The following RBPJ variants were observed in gnomAD, a reference collection of about 807,000 sequenced individuals.
RBPJ encodes recombining binding protein suppressor of hairless.
RBPJ carries 9 observed loss-of-function variants against 67.8 expected under a neutral mutation model. The ratio of observed to expected loss-of-function variants is 0.13; its 90% confidence interval spans 0.08 to 0.23. The LOEUF is 0.23. Ranked by LOEUF, RBPJ falls within the 10% of genes least tolerant of loss-of-function variation. The pLI is 1.00. For missense variants in RBPJ, 305 were observed against 595.6 expected, an observed-to-expected ratio of 0.51 and a Z score of 5.08; for synonymous variants, 198 against 203.3, an observed-to-expected ratio of 0.97 and a Z score of 0.22.
the RBPJ span, among the ~76,000 whole-genome samples, chr4:26,130,018 C>T: frequency 2.6e-5 from 4 of 152,016 alleles, no homozygotes; most frequent in Non-Finnish European, 4.4e-5. Context: ...TGCACCACCA[C>T]GCCCAGCTAA....
the RBPJ span, among the ~76,000 whole-genome samples, chr4:26,125,974 G>A: frequency 6.6e-6 from 1 of 152,054 alleles, no homozygotes; most frequent in Non-Finnish European, 1.5e-5. Context: ...CCTCTATGGT[G>A]TCTGTCACAC....
At chr4:26,112,912 C>G in the RBPJ span, 3 of 152,798 alleles carry the variant, frequency 2.0e-5, no homozygotes, top group African/African-American at 7.3e-5. Context: ...GTCTCACACC[C>G]GGCTAATTGT....
intron 3 of RBPJ, chr4:26,410,103 T>G: frequency 2.2e-6 from 1 of 452,338 alleles, no homozygotes; most frequent in Non-Finnish European, 4.4e-6. Context: ...CAAACTGCCC[T>G]GGATTCAGAG....
chr4:26,127,934 A>T, the RBPJ span, among the ~76,000 whole-genome samples: 1 of 152,112 alleles, frequency 6.6e-6, no homozygotes, highest in South Asian at 2.1e-4. Flanking sequence ...CATCTGGGGC[A>T]CTCCCTGCTC....
intron 1 of RBPJ, among the ~76,000 whole-genome samples, chr4:26,305,771 CTTTTTTTTTT>C (rs71276617): frequency 1.2e-4 from 8 of 67,758 alleles, no homozygotes; most frequent in South Asian, 5.5e-4. Flanking sequence ...ATTTTCTTTT[CTTTTTTTTTT>C]TTTTTTTTTT....
chr4:26,291,231 G>A (rs1577394565), intron 1 of RBPJ, among the ~76,000 whole-genome samples: 1 of 151,090 alleles, frequency 6.6e-6, no homozygotes, highest in South Asian at 2.1e-4. Context: ...ATTCTCTTCT[G>A]GGTTATGGGT....
chr4:26,326,990 C>T (rs963645029), intron 1 of RBPJ, among the ~76,000 whole-genome samples: 2 of 152,058 alleles, frequency 1.3e-5, no homozygotes, highest in Non-Finnish European at 1.5e-5. Flanking sequence ...ATTGAGTCAC[C>T]CCCAGCTTTT....
At chr4:26,194,137 G>A (rs1413236164) in intron 1 of RBPJ, among the ~76,000 whole-genome samples, 1 of 152,124 alleles carries the variant, frequency 6.6e-6, no homozygotes, top group South Asian at 2.1e-4. Context: ...CATTCATCCC[G>A]TTTACTTCTG....
chr4:26,198,504 C>G (rs1370743346), intron 1 of RBPJ, among the ~76,000 whole-genome samples: 1 of 152,138 alleles, frequency 6.6e-6, no homozygotes, highest in Non-Finnish European at 1.5e-5. Context: ...TACATTAACT[C>G]AAGCAAATAG....
the RBPJ span, among the ~76,000 whole-genome samples, chr4:26,119,295 C>T: frequency 6.6e-6 from 1 of 152,156 alleles, no homozygotes; most frequent in Non-Finnish European, 1.5e-5. Context: ...CATTGTTTTC[C>T]TCCCCAATCC....
At chr4:26,114,475 G>GTATATATATATATA in the RBPJ span, among the ~76,000 whole-genome samples, 1 of 89,158 alleles carries the variant, frequency 1.1e-5, no homozygotes, top group Non-Finnish European at 2.3e-5. Flanking sequence ...AAAAAAGAAT[G>GTATATATATATATA]TACATATATA....
intron 2 of RBPJ, among the ~76,000 whole-genome samples, chr4:26,397,433 T>G (rs1732243441): frequency 6.6e-6 from 1 of 152,228 alleles, no homozygotes; most frequent in Non-Finnish European, 1.5e-5. Context: ...AAAAAAATTC[T>G]TGATTGAATG....
intron 1 of RBPJ, among the ~76,000 whole-genome samples, chr4:26,276,509 A>G (rs1162164728): frequency 2.0e-5 from 3 of 152,168 alleles, no homozygotes; most frequent in African/African-American, 7.2e-5. Flanking sequence ...AAAAAACACA[A>G]TCCACAGAAA....
chr4:26,183,572 A>G (rs1717099890), intron 1 of RBPJ, among the ~76,000 whole-genome samples: 1 of 152,212 alleles, frequency 6.6e-6, no homozygotes, highest in Non-Finnish European at 1.5e-5. Context: ...CAACTAGAAG[A>G]CAATTTAATC....
At chr4:26,311,265 G>A (rs909994266) in intron 1 of RBPJ, among the ~76,000 whole-genome samples, 2 of 152,016 alleles carry the variant, frequency 1.3e-5, no homozygotes, top group Admixed American at 6.6e-5. Context: ...GGCCAGGCGC[G>A]GTGGCTCACG....
At chr4:26,182,374 T>G (rs1254639396) in intron 1 of RBPJ, among the ~76,000 whole-genome samples, 2 of 151,886 alleles carry the variant, frequency 1.3e-5, no homozygotes, top group Non-Finnish European at 2.9e-5. Context: ...ACAAAATTTT[T>G]GACTCTTTCG....
At chr4:26,386,936 G>A (rs1730974949) in intron 2 of RBPJ, among the ~76,000 whole-genome samples, 1 of 152,082 alleles carries the variant, frequency 6.6e-6, no homozygotes, top group Non-Finnish European at 1.5e-5. Flanking sequence ...CCATGTCCTA[G>A]AGTCAGTGCA....
chr4:26,153,059 C>T, the RBPJ span, among the ~76,000 whole-genome samples: 4 of 152,222 alleles, frequency 2.6e-5, no homozygotes, highest in East Asian at 7.7e-4. Flanking sequence ...GTTTTATATA[C>T]ACCTTATACA....
At chr4:26,212,255 G>T (rs1391840473) in intron 1 of RBPJ, among the ~76,000 whole-genome samples, 1 of 152,064 alleles carries the variant, frequency 6.6e-6, no homozygotes, top group Admixed American at 6.6e-5. Flanking sequence ...CAGGGAAGAT[G>T]TGATATTATT....
Sources: allele counts gnomAD v4.1 joint callset (sites outside exome capture counted in the v4.1 genomes callset), GRCh38; gene constraint gnomAD v4.1.1; transcripts MANE v1.5; gene names NCBI Gene and HGNC (gene_info 2026-07-23, HGNC 2026-07-21).